TTC8: variants seen among roughly 807,000 people sequenced by gnomAD.
TTC8 encodes tetratricopeptide repeat protein 8.
A neutral mutation model predicts 72.5 loss-of-function variants in TTC8; 47 were observed. That is an observed-to-expected ratio of 0.65 (90% CI 0.51 to 0.83). The LOEUF (loss-of-function observed/expected upper bound fraction) is 0.83. Among genes scored for constraint, TTC8 ranks in the 40% least tolerant of loss-of-function variants. The pLI, the probability that TTC8 is intolerant of heterozygous loss-of-function variation, is 0.00. For missense variants in TTC8, 611 were observed against 623.2 expected (o/e 0.98, Z 0.21); for synonymous variants, 199 against 221.4 (o/e 0.90, Z 0.90).
chr14:88,830,999 A>C (rs1275542986), intron 1 of TTC8: 1 of 441,174 alleles, frequency 2.3e-6, no homozygotes, highest in African/African-American at 2.0e-5. Context: ...CTGGGCCCAG[A>C]GTGTCTAGGT....
At chr14:88,829,606 C>T (rs1479903211) in intron 1 of TTC8, among the ~76,000 whole-genome samples, 3 of 152,146 alleles carry the variant, frequency 2.0e-5, no homozygotes, top group African/African-American at 4.8e-5. Context: ...TTATTAAAAT[C>T]GGTGATTCTG....
At chr14:88,856,859 AG>A (rs1393282435) in intron 8 of TTC8, among the ~76,000 whole-genome samples, 3 of 152,178 alleles carry the variant, frequency 2.0e-5, no homozygotes, top group African/African-American at 7.2e-5. Context: ...GCATTTATTC[AG>A]GTCACTTGCC....
At chr14:88,834,111 G>A (rs1367138817) in intron 2 of TTC8, 1 of 267,306 alleles carries the variant, frequency 3.7e-6, no homozygotes, top group Non-Finnish European at 7.3e-6. Flanking sequence ...CTTGAGTCAA[G>A]AGTGGACTGT....
At chr14:88,869,923 G>A in intron 10 of TTC8, 136 bp from the exon 11 acceptor site, 2 of 835,622 alleles carry the variant, frequency 2.4e-6, no homozygotes, top group East Asian at 2.7e-5. Context: ...GTATCCCCAG[G>A]GTCTAGAATG....
chr14:88,880,315 G>A (rs920234358), downstream of TTC8: 14 of 152,122 alleles, frequency 9.2e-5, no homozygotes, highest in African/African-American at 2.9e-4. Context: ...GATGGCATTC[G>A]TCCTATTTTT....
At position 88,834,010 on chromosome 14, in the gene TTC8, G is replaced by T. The variant is rs78096694; in HGVS notation, c.144+288G>T. The T allele has an allele frequency of 0.012, 5,252 of 432,634 alleles. 55 individuals are homozygous for T. The highest frequency in any genetic ancestry group is 0.024 in the Middle Eastern group (36 of 1,498). The allele number at this position is 432,634 out of a possible 1,614,324, so 26.8% of individuals were successfully genotyped here. Reference sequence around the variant, plus strand: ...TAGAAGGATATGAAAAATAAAGAAGGAGGTGAGGGGAACCAAGGGCTTAGA... The same window carrying T: ...TAGAAGGATATGAAAAATAAAGAAGTAGGTGAGGGGAACCAAGGGCTTAGA... On this transcript the variant is annotated intron_variant, in intron 2 of 14. Coordinates refer to ENST00000380656, the MANE Select transcript of TTC8 (RefSeq NM_144596.4).
rs759798835 is a variant in TTC8, at chr14:88,846,733, C to T, written c.624+2883C>T. The T allele has an allele frequency of 1.5e-4, 150 of 977,276 alleles. No homozygotes were observed. The East Asian group carries it at 3.7e-3, about 24-fold the overall frequency. 60.5% of individuals were successfully genotyped at this position (977,276 alleles called of 1,614,324 possible). A position where few individuals can be genotyped will look rare whatever the true frequency, so the allele number is the denominator to read the frequency against. On this transcript the variant is annotated intron_variant, in intron 7 of 14. Transcript: ENST00000380656. The stretch of plus-strand genomic sequence containing the variant: ...TATTCTAAAGATTCTAAGGGTTAGC[C>T]GACTGTAATTTTTACATATTATGTT...
Position 88,864,931 on chromosome 14 carries a change from T to C in TTC8, c.909+3599T>C, listed in dbSNP as rs2094903513. 4.6e-5 allele frequency among the ~76,000 whole-genome samples: 7 copies of C among 152,350 alleles called. No homozygotes were observed. In the South Asian group the frequency reaches 1.4e-3, roughly 32 times the overall value. On this transcript the variant is annotated intron_variant, in intron 10 of 14. Transcript: ENST00000380656. Reference sequence around the variant, plus strand: ...TTGTTACATACATCATGCTTGGCCCTGGCTGGAGGGATTCCATTCCTTTAT... The same window carrying C: ...TTGTTACATACATCATGCTTGGCCCCGGCTGGAGGGATTCCATTCCTTTAT...
At chr14:88,833,358 GAAT>G (rs2094735235) in intron 1 of TTC8, among the ~76,000 whole-genome samples, 1 of 151,886 alleles carries the variant, frequency 6.6e-6, no homozygotes. Flanking sequence ...ACTTATTTTT[GAAT>G]AAAAGGAAAT....
chr14:88,833,606 C>A (rs1167536685), intron 1 of TTC8, 87 bp from the exon 2 acceptor site: 1 of 1,192,106 alleles, frequency 8.4e-7, no homozygotes, highest in Non-Finnish European at 1.3e-6. Context: ...TAGAGTTCAC[C>A]TACAAATACT....
At chr14:88,869,032 A>C (rs934564094) in intron 10 of TTC8, among the ~76,000 whole-genome samples, 1 of 152,218 alleles carries the variant, frequency 6.6e-6, no homozygotes, top group Admixed American at 6.5e-5. Flanking sequence ...GCTTCTTAAC[A>C]ATCAGTAGAG....
chr14:88,858,220 C>G (rs1286729481), intron 9 of TTC8, among the ~76,000 whole-genome samples: 1 of 152,148 alleles, frequency 6.6e-6, no homozygotes, highest in Non-Finnish European at 1.5e-5. Context: ...CCTCAGCCTC[C>G]TTAAAGTGCT....
chr14:88,856,571 G>C (rs143674971), intron 8 of TTC8, among the ~76,000 whole-genome samples: 1 of 152,162 alleles, frequency 6.6e-6, no homozygotes, highest in African/African-American at 2.4e-5. Context: ...TTTCCTGGGT[G>C]TAAGAGGTAG....
intron 7 of TTC8, among the ~76,000 whole-genome samples, chr14:88,849,637 A>G (rs1279531586): frequency 1.3e-5 from 2 of 152,088 alleles, no homozygotes; most frequent in African/African-American, 4.8e-5. Flanking sequence ...TGCTTTTCTC[A>G]TGTTGTGGGG....
At chr14:88,849,568 T>C (rs1800088523) in intron 7 of TTC8, among the ~76,000 whole-genome samples, 1 of 152,172 alleles carries the variant, frequency 6.6e-6, no homozygotes, top group Non-Finnish European at 1.5e-5. Context: ...GTTTAAATAT[T>C]AAGAAAGTAT....
chr14:88,870,129 A>G lies in TTC8; in HGVS notation c.980A>G (p.Glu327Gly), dbSNP rs749721461. ...EVLKQDNTHV[E>G]AIACIGSNHF... The stretch of plus-strand genomic sequence containing the variant: ...TTGAAACAAGACAATACTCATGTGG[A>G]AGCCATCGCATGCATTGGAAGCAAC... Residue 327 changes from glutamate to glycine, a missense_variant, in exon 11 of 15, where the codon GAA becomes GGA. By Grantham distance (98) the Glu-to-Gly change is moderately conservative (BLOSUM62 -2). Transcript: ENST00000380656. 1.3e-5 allele frequency: 21 copies of G among 1,613,968 alleles called. No homozygotes were observed. The highest frequency in any genetic ancestry group is 1.7e-5 in the Non-Finnish European group (20 of 1,179,936).
upstream of TTC8, chr14:88,824,613 G>C: frequency 2.0e-6 from 2 of 1,009,566 alleles, no homozygotes; most frequent in Non-Finnish European, 1.5e-6. Flanking sequence ...CCCAGCCGTC[G>C]CGGGTTGCCG....
chr14:88,851,808 CTCAGCATGGTG>C (rs138351271), intron 7 of TTC8, among the ~76,000 whole-genome samples: 31,691 of 151,860 alleles, frequency 0.21, 3,794 homozygotes, highest in East Asian at 0.32. Flanking sequence ...CCATTAGAGG[CTCAGCATGGTG>C]TCACCATTTC....
At chr14:88,856,488 A>G (rs950052397) in intron 8 of TTC8, among the ~76,000 whole-genome samples, 3 of 152,204 alleles carry the variant, frequency 2.0e-5, no homozygotes, top group African/African-American at 7.2e-5. Flanking sequence ...TAACAGGTCT[A>G]TTAAGGACAT....
Sources: allele counts gnomAD v4.1 joint callset (sites outside exome capture counted in the v4.1 genomes callset), GRCh38; gene constraint gnomAD v4.1.1; transcripts MANE v1.5; gene names NCBI Gene and HGNC (gene_info 2026-07-23, HGNC 2026-07-21).